The following USP32 variants were observed in gnomAD, a reference collection of about 807,000 sequenced individuals.
USP32 encodes the protein ubiquitin specific peptidase 32, also known as ubiquitin carboxyl-terminal hydrolase 32.
In USP32, 59 loss-of-function variants were observed where a neutral mutation model predicts 204.8. That is an observed-to-expected ratio of 0.29 (90% CI 0.23 to 0.36). The LOEUF (loss-of-function observed/expected upper bound fraction) is 0.36. Among genes scored for constraint, USP32 ranks in the 10% least tolerant of loss-of-function variants. The pLI, the probability that USP32 is intolerant of heterozygous loss-of-function variation, is 1.00. For missense variants in USP32, 1,160 were observed against 1,946.4 expected, an observed-to-expected ratio of 0.60 and a Z score of 7.60; for synonymous variants, 517 against 678.4, an observed-to-expected ratio of 0.76 and a Z score of 3.70.
At chr17:60,367,703 G>C (rs1262770647) in intron 1 of USP32, among the ~76,000 whole-genome samples, 1 of 152,134 alleles carries the variant, frequency 6.6e-6, no homozygotes, top group African/African-American at 2.4e-5. Flanking sequence ...AGCTACTTGG[G>C]AGGTTGGGGC....
intron 10 of USP32, 24 bp downstream of exon 10, chr17:60,255,151 T>G: frequency 6.4e-7 from 1 of 1,572,406 alleles, no homozygotes; most frequent in Non-Finnish European, 8.7e-7. Context: ...TACCCTCTGT[T>G]GCTGTCATTT....
chr17:60,220,845 C>CA, intron 15 of USP32, among the ~76,000 whole-genome samples: 1 of 152,042 alleles, frequency 6.6e-6, no homozygotes, highest in East Asian at 1.9e-4. Context: ...GACAGGGTTT[C>CA]ACCGTTGTTA....
intron 12 of USP32, among the ~76,000 whole-genome samples, chr17:60,231,007 T>C (rs2145610933): frequency 6.6e-6 from 1 of 152,306 alleles, no homozygotes; most frequent in East Asian, 1.9e-4. Context: ...AGAACCCTGG[T>C]TTTCAGAAGA....
At chr17:60,295,743 T>C (rs1358944812) in intron 3 of USP32, among the ~76,000 whole-genome samples, 4 of 151,814 alleles carry the variant, frequency 2.6e-5, no homozygotes, top group Admixed American at 2.0e-4. Flanking sequence ...TTATAGTATA[T>C]TGTTATAATA....
At chr17:60,214,841 G>A (rs1244594641) in intron 16 of USP32, 67 bp from the exon 17 acceptor site, 2 of 1,604,096 alleles carry the variant, frequency 1.2e-6, no homozygotes, top group Admixed American at 3.4e-5. Flanking sequence ...TCTCAGCAAT[G>A]GGGACCATAC....
rs116011370 is a variant in USP32 at position 60,261,993 on chromosome 17, T to C, written c.990+3419A>G. Reference sequence around the variant, plus strand: ...CCCATTTGCTATACTGACACCTGAGTAATAATTAACACACTGTAAAAACAT... The same window carrying C: ...CCCATTTGCTATACTGACACCTGAGCAATAATTAACACACTGTAAAAACAT... On this transcript the variant is annotated intron_variant, in intron 9 of 33. Coordinates refer to ENST00000300896, the MANE Select transcript of USP32 (RefSeq NM_032582.4). 7.3e-3 allele frequency among the ~76,000 whole-genome samples: 1,105 copies of C among 152,314 alleles called. 16 individuals carry two copies. Among genetic ancestry groups the C allele is most frequent in the African/African-American group, 0.026 (1,061 of 41,564 alleles).
chr17:60,374,022 A>G (rs574735308), intron 1 of USP32, among the ~76,000 whole-genome samples: 2 of 152,116 alleles, frequency 1.3e-5, no homozygotes, highest in African/African-American at 4.8e-5. Context: ...CATCTCTACT[A>G]AAAATACAAA....
chr17:60,355,336 G>A (rs937183057), intron 1 of USP32, among the ~76,000 whole-genome samples: 12 of 152,094 alleles, frequency 7.9e-5, no homozygotes, highest in East Asian at 3.9e-4. Flanking sequence ...GAAATGTTCT[G>A]TATCTTGTCA....
chr17:60,375,544 A>G (rs151298270), intron 1 of USP32, among the ~76,000 whole-genome samples: 1 of 152,322 alleles, frequency 6.6e-6, no homozygotes, highest in African/African-American at 2.4e-5. Flanking sequence ...GAAGTGTACA[A>G]ACAATACATA....
chr17:60,234,725 C>T (rs2085674365), intron 12 of USP32, among the ~76,000 whole-genome samples: 1 of 151,476 alleles, frequency 6.6e-6, no homozygotes, highest in African/African-American at 2.4e-5. Flanking sequence ...AGCAAGACTC[C>T]GTCTCAGAAA....
At chr17:60,410,799 G>T (rs116747744) in intron 1 of USP32, among the ~76,000 whole-genome samples, 3 of 151,720 alleles carry the variant, frequency 2.0e-5, no homozygotes, top group Non-Finnish European at 4.4e-5. Flanking sequence ...AGAAACTGTC[G>T]GCTGGGTGCG....
intron 15 of USP32, among the ~76,000 whole-genome samples, chr17:60,221,451 C>T (rs537961725): frequency 1.3e-5 from 2 of 152,032 alleles, no homozygotes; most frequent in South Asian, 2.1e-4. Flanking sequence ...CTATACAAAA[C>T]CTTCCTGGCA....
At chr17:60,269,928 AAAAG>A (rs2086686498) in intron 6 of USP32, among the ~76,000 whole-genome samples, 1 of 152,204 alleles carries the variant, frequency 6.6e-6, no homozygotes, top group Non-Finnish European at 1.5e-5. Context: ...AAAAAGGGAA[AAAAG>A]AAAGAAAAAC....
chr17:60,209,414 G>A lies in USP32; in HGVS notation c.2554C>T (p.Leu852=), dbSNP rs2084905108. ...TCTGGTCGCCCATCACTGTCCTTCA[G>A]TTCCACATATGGCTTTTCATGGACT... ...NRVHEKPYVE[L]KDSDGRPDWE... is the part of the protein sequence containing the mutation. Residue 852 remains leucine (L), a synonymous_variant, in exon 22 of 34, where the codon CTG becomes TTG. Coordinates refer to ENST00000300896, the MANE Select transcript of USP32 (RefSeq NM_032582.4). 5 of 1,557,584 alleles carry A rather than the reference G, an allele frequency of 3.2e-6. No homozygotes were observed. In the East Asian group the frequency reaches 1.2e-4, roughly 36 times the overall value.
At position 60,265,963 on chromosome 17, in the gene USP32, A is replaced by T; in HGVS notation, c.927+13T>A. On this transcript the variant is annotated intron_variant, in intron 8 of 33. Transcript: ENST00000300896. ...AGTTTATACGCAACAAGACATACACAATCATAACTTACAGGAATATCATCA... is the reference window on the plus strand; with the variant it reads ...AGTTTATACGCAACAAGACATACACTATCATAACTTACAGGAATATCATCA... 1 of 1,598,430 alleles carries T rather than the reference A, an allele frequency of 6.3e-7. No individual in the cohort carries two copies. Among genetic ancestry groups the T allele is most frequent in the Non-Finnish European group, 8.6e-7 (1 of 1,166,946 alleles).
intron 2 of USP32, among the ~76,000 whole-genome samples, chr17:60,329,964 G>A (rs900322874): frequency 6.6e-6 from 1 of 152,298 alleles, no homozygotes; most frequent in African/African-American, 2.4e-5. Context: ...TAAGTTATTC[G>A]TATGCCCTTG....
chr17:60,200,557 T>C (rs1397988521), intron 26 of USP32, among the ~76,000 whole-genome samples: 1 of 149,470 alleles, frequency 6.7e-6, no homozygotes, highest in East Asian at 1.9e-4. Flanking sequence ...TGAAACTCCA[T>C]TGCAAAAAAA....
intron 2 of USP32, among the ~76,000 whole-genome samples, chr17:60,326,604 T>C (rs746817813): frequency 6.6e-6 from 1 of 152,184 alleles, no homozygotes; most frequent in Non-Finnish European, 1.5e-5. Context: ...CGGCCATGGT[T>C]TATTTTCTCA....
At chr17:60,330,026 G>A (rs192401561) in intron 2 of USP32, among the ~76,000 whole-genome samples, 1 of 152,216 alleles carries the variant, frequency 6.6e-6, no homozygotes, top group Non-Finnish European at 1.5e-5. Flanking sequence ...TTGAAGTTCT[G>A]GGTTGTAACT....
Sources: allele counts gnomAD v4.1 joint callset (sites outside exome capture counted in the v4.1 genomes callset), GRCh38; gene constraint gnomAD v4.1.1; transcripts MANE v1.5; gene names NCBI Gene and HGNC (gene_info 2026-07-23, HGNC 2026-07-21).